SH2D6: variants seen among roughly 807,000 people sequenced by gnomAD.
SH2D6 encodes the protein SH2 domain-containing protein 6.
In SH2D6, 31 loss-of-function variants were observed where a neutral mutation model predicts 30.2. The observed-to-expected ratio is 1.03, with a 90% confidence interval of 0.77 to 1.38. SH2D6 has a LOEUF of 1.38. Ranked by LOEUF, SH2D6 falls within the 40% of genes most tolerant of loss-of-function variation. The probability of loss-of-function intolerance (pLI) is 0.00; values close to 1 mark genes in which losing one functional copy is unlikely to be tolerated. For missense variants in SH2D6, 240 were observed against 266.8 expected, an observed-to-expected ratio of 0.90 and a Z score of 0.70; for synonymous variants, 93 against 104.6, an observed-to-expected ratio of 0.89 and a Z score of 0.68.
At chr2:85,434,272 G>A (rs924131489) in intron 17 of SH2D6, 68 bp from the exon 18 acceptor site, 2 of 1,517,328 alleles carry the variant, frequency 1.3e-6, no homozygotes, top group Non-Finnish European at 8.9e-7. Flanking sequence ...GGAATGCTGG[G>A]TTCACTGGCC....
intron 19 of SH2D6, chr2:85,434,810 CTGCACCAAATCAGGAAGCTCCTAGTCTG>C: frequency 6.8e-7 from 1 of 1,461,824 alleles, no homozygotes; most frequent in Non-Finnish European, 9.0e-7. Context: ...TTTCCGGTGC[CTGCACCAAATCAGGAAGCTCCTAGTCTG>C]TGCCCCAAGA....
intron 14 of SH2D6, among the ~76,000 whole-genome samples, chr2:85,432,632 C>A (rs1487432245): frequency 6.6e-6 from 1 of 152,094 alleles, no homozygotes; most frequent in Non-Finnish European, 1.5e-5. Flanking sequence ...GATCTCCTGA[C>A]CTCGTGATCC....
At chr2:85,435,900 T>A in intron 22 of SH2D6, 76 bp downstream of exon 22, 2 of 1,436,538 alleles carry the variant, frequency 1.4e-6, no homozygotes, top group Non-Finnish European at 1.8e-6. Flanking sequence ...AGCATTTGCC[T>A]AGGGAAAAAT....
At chr2:85,420,279 C>G (rs979097160) in intron 2 of SH2D6, among the ~76,000 whole-genome samples, 1 of 152,136 alleles carries the variant, frequency 6.6e-6, no homozygotes. Flanking sequence ...ACTACCACGC[C>G]TGGCTAATTT....
At position 85,431,907 on chromosome 2, in the gene SH2D6, A is replaced by G. The variant is rs1435424357; in HGVS notation, c.318A>G (p.Gly106=). The change falls in exon 14 of 24, where the codon GGA becomes GGG. Residue 106 remains glycine (G), a synonymous_variant. Transcript: ENST00000469800. ...PPLPQPTMLK[G]AVSLPVAGKQ... is the part of the protein sequence containing the mutation. ...CCCCACTGTGCCCACAGCTGAAGGG[A>G]GCAGTGAGCCTGCCGGTGGCCGGAA... The G allele has an allele frequency of 6.6e-6, 1 of 152,602 alleles. No individual in the cohort carries two copies. The highest frequency in any genetic ancestry group is 1.9e-4 in the East Asian group (1 of 5,188). 9.5% of individuals were successfully genotyped at this position (152,602 alleles called of 1,614,324 possible).
At chr2:85,421,245 G>C (rs1429384058) in intron 2 of SH2D6, among the ~76,000 whole-genome samples, 1 of 152,234 alleles carries the variant, frequency 6.6e-6, no homozygotes, top group Non-Finnish European at 1.5e-5. Context: ...GGACCCAGTG[G>C]GGTGGGGAAG....
At chr2:85,424,640 T>C (rs1687905107) in intron 5 of SH2D6, among the ~76,000 whole-genome samples, 1 of 152,140 alleles carries the variant, frequency 6.6e-6, no homozygotes. Flanking sequence ...TAGTCCTAGC[T>C]ACTTGGGAAG....
Position 85,435,442 on chromosome 2 carries a change from C to T in SH2D6, c.678C>T (p.Tyr226=), listed in dbSNP as rs1689325691. ...EDSDLLTQPW[Y]SGNCDRYAVE... ...GTGATCTGCTGACTCAGCCTTGGTACTCGGGGAACTGTGACCGCTATGCTG... is the reference window on the plus strand; with the variant it reads ...GTGATCTGCTGACTCAGCCTTGGTATTCGGGGAACTGTGACCGCTATGCTG... Residue 226 remains tyrosine (Y), a synonymous_variant, in exon 21 of 24, where the codon TAC becomes TAT. Coordinates refer to ENST00000469800, the MANE Select transcript of SH2D6 (RefSeq NM_001394463.1). 2 of 1,613,824 alleles carry T rather than the reference C, an allele frequency of 1.2e-6. No individual in the cohort carries two copies. The highest frequency in any genetic ancestry group is 1.3e-5 in the African/African-American group (1 of 74,940).
Position 85,436,582 on chromosome 2 carries a change from A to C in SH2D6, c.1008A>C (p.Ter336CysextTer17). ...GCCTGCTCTTCCCCACCAAGCCTTG[A>C]GGCCACAGCGAAGTACACACCGCCT... The part of the protein sequence containing the change: ...LTCLLFPTKP[*>C] Residue 336 changes from the stop codon to cysteine, a stop_lost, in exon 23 of 24, where the codon TGA (stop) becomes TGC (cysteine). Coordinates refer to ENST00000469800, the MANE Select transcript of SH2D6 (RefSeq NM_001394463.1). 6.2e-7 allele frequency: 1 copy of C among 1,613,546 alleles called. No individual in the cohort carries two copies. The highest frequency in any genetic ancestry group is 8.5e-7 in the Non-Finnish European group (1 of 1,179,764).
intron 17 of SH2D6, 104 bp downstream of exon 17, chr2:85,434,215 T>C: frequency 1.3e-6 from 2 of 1,519,586 alleles, no homozygotes; most frequent in Non-Finnish European, 1.8e-6. Context: ...GGATGGAATC[T>C]CCTTGCACTG....
rs1008654105 is a variant in SH2D6 at position 85,431,954 on chromosome 2, G to C, written c.365G>C (p.Arg122Thr). ...GGAAAGCAGGGACCTATCTTTGGGA[G>C]GCGAGGTAATGGGGATGTCCTCTCT... ...VAGKQGPIFGRREQGASSRVV... is the reference protein window; with the variant it reads ...VAGKQGPIFGTREQGASSRVV... The change falls in exon 14 of 24, where the codon AGG becomes ACG. Residue 122 changes from arginine (R) to threonine (T), a missense_variant. Arg to Thr is a moderately conservative substitution (Grantham distance 71). Transcript: ENST00000469800. 3 of 152,770 alleles carry C rather than the reference G, an allele frequency of 2.0e-5. No individual in the cohort carries two copies. Among genetic ancestry groups the C allele is most frequent in the African/African-American group, 7.2e-5 (3 of 41,466 alleles). The allele number at this position is 152,770 out of a possible 1,614,324, so 9.5% of individuals were successfully genotyped here. A position where few individuals can be genotyped will look rare whatever the true frequency, so the allele number is the denominator to read the frequency against.
Position 85,435,424 on chromosome 2 carries a change from G to A in SH2D6, c.660G>A (p.Leu220=), listed in dbSNP as rs2104950261. ...GTGTGTATGCACAGGACAGTGATCT[G>A]CTGACTCAGCCTTGGTACTCGGGGA... ...GSASAAEDSD[L]LTQPWYSGNC... The change falls in exon 21 of 24, where the codon CTG becomes CTA. Residue 220 remains leucine (L), a synonymous_variant. Coordinates refer to ENST00000469800, the MANE Select transcript of SH2D6 (RefSeq NM_001394463.1). 6.2e-7 allele frequency: 1 copy of A among 1,613,822 alleles called. No individual in the cohort carries two copies. The highest frequency in any genetic ancestry group is 1.3e-5 in the African/African-American group (1 of 75,066).
At chr2:85,433,693 A>G (rs957961036) in intron 16 of SH2D6, 62 bp downstream of exon 16, 21 of 1,062,506 alleles carry the variant, frequency 2.0e-5, no homozygotes, top group Non-Finnish European at 2.4e-5. Flanking sequence ...TCACAGCACA[A>G]CACACTCTCC....
intron 2 of SH2D6, among the ~76,000 whole-genome samples, chr2:85,419,535 AT>A (rs996402650): frequency 6.6e-6 from 1 of 152,108 alleles, no homozygotes; most frequent in Non-Finnish European, 1.5e-5. Flanking sequence ...TTCTCAGCTG[AT>A]TTCTGGCTCC....
intron 3 of SH2D6, 46 bp downstream of exon 3, chr2:85,422,360 G>GCT (rs1216282690): frequency 6.6e-6 from 1 of 152,014 alleles, no homozygotes; most frequent in African/African-American, 2.4e-5. Context: ...TAAAAAGAAT[G>GCT]CTCTCTCTCT....
intron 20 of SH2D6, 23 bp downstream of exon 20, chr2:85,435,146 CT>C: frequency 1.2e-6 from 2 of 1,604,958 alleles, no homozygotes; most frequent in Non-Finnish European, 1.7e-6. Flanking sequence ...TGGGAGCAGG[CT>C]GTAGGGAGAG....
chr2:85,429,848 T>G, intron 9 of SH2D6, 133 bp from the exon 10 acceptor site: 1 of 153,276 alleles, frequency 6.5e-6, no homozygotes, highest in Non-Finnish European at 1.5e-5. Flanking sequence ...GCCCCCAGCC[T>G]CCTTCTCTGC....
chr2:85,435,564 A>T, intron 21 of SH2D6, 68 bp downstream of exon 21: 1 of 1,592,570 alleles, frequency 6.3e-7, no homozygotes, highest in Admixed American at 1.7e-5. Context: ...CTGGCCGAGC[A>T]GTGGGGAGCA....
Position 85,435,749 on chromosome 2 carries a change from C to T in SH2D6, c.816C>T (p.Val272=). 6.2e-7 allele frequency: 1 copy of T among 1,612,272 alleles called. No homozygotes were observed. Among genetic ancestry groups the T allele is most frequent in the Non-Finnish European group, 8.5e-7 (1 of 1,179,344 alleles). ...FTLAVLLRGR[V]FNIPIRRLDG... ...TGGCAGTGCTTCTCCGAGGCCGGGT[C>T]TTCAACATTCCCATCCGGCGGCTGG... Residue 272 remains valine (V), a synonymous_variant, in exon 22 of 24, where the codon GTC becomes GTT. Transcript: ENST00000469800.
Sources: gnomAD v4.1 joint callset for allele counts (sites outside exome capture counted in the v4.1 genomes callset) on GRCh38, gnomAD v4.1.1 for gene constraint, MANE v1.5 for transcripts, NCBI Gene and HGNC (gene_info 2026-07-23, HGNC 2026-07-21) for gene names.